Variants in C4BPA observed in about 807,000 individuals in gnomAD.
C4BPA encodes C4b-binding protein alpha chain.
C4BPA carries 31 observed loss-of-function variants against 63.7 expected under a neutral mutation model. The observed-to-expected ratio is 0.49, with a 90% CI of 0.37 to 0.66. The LOEUF is 0.66. C4BPA is among the 30% of genes least tolerant of loss of function. C4BPA has a pLI of 0.00. For synonymous variants in C4BPA, 259 were observed against 254.7 expected (o/e 1.02, Z -0.16); for missense variants, 572 against 723.3 (o/e 0.79, Z 2.40).
intron 1 of C4BPA, among the ~76,000 whole-genome samples, chr1:207,108,463 T>C (rs1684601964): frequency 6.6e-6 from 1 of 152,198 alleles, no homozygotes; most frequent in Admixed American, 6.5e-5. Flanking sequence ...ATCATCTGCT[T>C]TTTTGCAGCT....
intron 9 of C4BPA, among the ~76,000 whole-genome samples, chr1:207,140,278 C>T (rs1685385726): frequency 6.6e-6 from 1 of 152,160 alleles, no homozygotes; most frequent in African/African-American, 2.4e-5. Flanking sequence ...GGCATAACTA[C>T]CTGGTGCGTT....
chr1:207,144,479 G>A, intron 11 of C4BPA, 65 bp from the exon 12 acceptor site: 2 of 1,429,292 alleles, frequency 1.4e-6, no homozygotes, highest in Non-Finnish European at 1.9e-6. Context: ...CCACTGTCAG[G>A]ATCCACCCTC....
intron 7 of C4BPA, among the ~76,000 whole-genome samples, chr1:207,127,773 T>C (rs1685077960): frequency 6.6e-6 from 1 of 152,062 alleles, no homozygotes; most frequent in Non-Finnish European, 1.5e-5. Context: ...GGAGACTTGA[T>C]AGGAACAGTG....
intron 9 of C4BPA, among the ~76,000 whole-genome samples, chr1:207,140,216 G>C (rs1460904763): frequency 6.6e-6 from 1 of 152,040 alleles, no homozygotes; most frequent in African/African-American, 2.4e-5. Context: ...CCTCTTTTCA[G>C]GGAATTCCTT....
At chr1:207,132,260 G>T (rs1286195362) in intron 8 of C4BPA, among the ~76,000 whole-genome samples, 1 of 152,206 alleles carries the variant, frequency 6.6e-6, no homozygotes, top group Admixed American at 6.5e-5. Flanking sequence ...ACTTCGTAAG[G>T]ATAGAAAGGA....
Position 207,116,560 on chromosome 1 carries a change from A to G in C4BPA, c.428+1045A>G, listed in dbSNP as rs550208630. Among the ~76,000 whole-genome samples the G allele has an allele frequency of 1.1e-3, 141 of 131,960 alleles. 2 individuals are homozygous for G. In the Middle Eastern group the frequency reaches 0.012, roughly 12 times the overall value. The allele number at this position is 131,960 out of a possible 152,430, so 86.6% of individuals were successfully genotyped here. A position where few individuals can be genotyped will look rare whatever the true frequency, so the allele number is the denominator to read the frequency against. ...TGTGTGTGTGTGTGTGTGTGTGTGT[A>G]TAATGTTTTTGACTTGGCTATTGGT... is the stretch of plus-strand genomic sequence containing the variant. On this transcript the variant is annotated intron_variant, in intron 4 of 11. Transcript: ENST00000367070.
At chr1:207,105,331 G>A (rs1196254147) in intron 1 of C4BPA, among the ~76,000 whole-genome samples, 1 of 152,096 alleles carries the variant, frequency 6.6e-6, no homozygotes, top group Admixed American at 6.6e-5. Flanking sequence ...GCCGAGGCTG[G>A]CGGATCACCT....
intron 9 of C4BPA, among the ~76,000 whole-genome samples, chr1:207,140,676 C>T (rs1685395131): frequency 1.3e-5 from 2 of 152,110 alleles, no homozygotes; most frequent in African/African-American, 4.8e-5. Context: ...TCTTCTTGGG[C>T]ATGGATGGAC....
intron 11 of C4BPA, among the ~76,000 whole-genome samples, chr1:207,144,281 A>G (rs1247350342): frequency 1.3e-5 from 2 of 152,142 alleles, no homozygotes; most frequent in African/African-American, 4.8e-5. Context: ...GCTATATAAT[A>G]TATTGTTGTT....
In C4BPA at chr1:207,124,356, T is replaced by G. The variant is rs1347983683; in HGVS notation, c.696T>G (p.Pro232=). 1.4e-5 allele frequency: 23 copies of G among 1,608,774 alleles called. No individual in the cohort carries two copies. The highest frequency in any genetic ancestry group is 1.8e-5 in the Non-Finnish European group (21 of 1,175,850). The change falls in exon 6 of 12, where the codon CCT becomes CCG. Residue 232 remains proline (P), a synonymous_variant. Coordinates refer to ENST00000367070, the MANE Select transcript of C4BPA (RefSeq NM_000715.4). The stretch of plus-strand genomic sequence containing the variant: ...TAGGTGTTTGGAGACCAAGCCCTCC[T>G]ACCTGTGAAAGTAAGTCATAATGAT... ...ETIGVWRPSP[P]TCEKITCRKP...
chr1:207,140,500 CTTT>C (rs79508731), intron 9 of C4BPA, among the ~76,000 whole-genome samples: 2 of 140,902 alleles, frequency 1.4e-5, no homozygotes, highest in Non-Finnish European at 1.6e-5. Flanking sequence ...TGCTGCTCTG[CTTT>C]TTTTTTTTTT....
Position 207,131,521 on chromosome 1 carries a change from C to G in C4BPA, c.890-25C>G, listed in dbSNP as rs775971186. The G allele has an allele frequency of 2.5e-4, 322 of 1,305,930 alleles. 4 individuals are homozygous for G. The highest frequency in any genetic ancestry group is 2.4e-3 in the South Asian group (177 of 72,674). 80.9% of individuals were successfully genotyped at this position (1,305,930 alleles called of 1,614,324 possible). ...GCCCTAGTAATAGCGTCCTTTTGTT[C>G]TTCTTCTTCTTCTTTCATGAGTAGA... is the stretch of plus-strand genomic sequence containing the variant. On this transcript the variant is annotated intron_variant, in intron 7 of 11. Transcript: ENST00000367070.
At chr1:207,127,826 T>A (rs982962324) in intron 7 of C4BPA, among the ~76,000 whole-genome samples, 11 of 152,206 alleles carry the variant, frequency 7.2e-5, no homozygotes, top group African/African-American at 2.7e-4. Context: ...CAGCTCTACC[T>A]TGCGGGAGGA....
chr1:207,118,159 CTG>C (rs1290907968), intron 4 of C4BPA, among the ~76,000 whole-genome samples: 10 of 100,774 alleles, frequency 9.9e-5, no homozygotes, highest in Admixed American at 2.2e-4. Flanking sequence ...GTCTGTCTGT[CTG>C]TCTGTCTATC....
intron 1 of C4BPA, among the ~76,000 whole-genome samples, chr1:207,105,708 C>T (rs1267417576): frequency 6.6e-6 from 1 of 152,012 alleles, no homozygotes; most frequent in Non-Finnish European, 1.5e-5. Context: ...AAAATACTAT[C>T]CTTTCACAAG....
chr1:207,143,943 A>G lies in C4BPA; in HGVS notation c.1570A>G (p.Thr524Ala), dbSNP rs1685476551. The change falls in exon 11 of 12, where the codon ACT becomes GCT. Residue 524 changes from threonine to alanine, a missense_variant. Coordinates refer to ENST00000367070, the MANE Select transcript of C4BPA (RefSeq NM_000715.4). Reference protein sequence around the residue: ...GYGVVGPQSITCSGNRTWYPE... With the variant: ...GYGVVGPQSIACSGNRTWYPE... ...TGGTGTGGTTGGTCCCCAAAGTATC[A>G]CTTGCTCTGGGAACAGAACCTGGTA... The G allele has an allele frequency of 7.5e-6, 12 of 1,609,264 alleles. No individual in the cohort carries two copies. The highest frequency in any genetic ancestry group is 1.0e-5 in the Non-Finnish European group (12 of 1,177,910).
At chr1:207,122,295 G>A (rs148962002) in intron 4 of C4BPA, among the ~76,000 whole-genome samples, 35 of 152,164 alleles carry the variant, frequency 2.3e-4, no homozygotes, top group African/African-American at 5.8e-4. Context: ...AAGATAATGG[G>A]GCTTGATATA....
chr1:207,119,041 C>A (rs1684872939), intron 4 of C4BPA, among the ~76,000 whole-genome samples: 3 of 32,210 alleles, frequency 9.3e-5, no homozygotes, highest in Admixed American at 3.8e-4. Context: ...CAAACTGGAA[C>A]CTGCAAAGAT....
At chr1:207,130,561 A>G (rs1402030579) in intron 7 of C4BPA, among the ~76,000 whole-genome samples, 2 of 152,232 alleles carry the variant, frequency 1.3e-5, no homozygotes, top group South Asian at 4.1e-4. Flanking sequence ...CAAATGAATA[A>G]TGAATAAACA....
Sources: gnomAD v4.1 joint callset for allele counts (sites outside exome capture counted in the v4.1 genomes callset) on GRCh38, gnomAD v4.1.1 for gene constraint, MANE v1.5 for transcripts, NCBI Gene and HGNC (gene_info 2026-07-23, HGNC 2026-07-21) for gene names.